Variants in CFDP1 observed in about 807,000 individuals in gnomAD.
The protein encoded by CFDP1 is heterochromatin-stabilizing protein CFDP1.
In CFDP1, 31 loss-of-function variants were observed where a neutral mutation model predicts 40.1. The observed-to-expected ratio is 0.77, with a 90% CI of 0.58 to 1.04. The LOEUF is 1.04. CFDP1 is among the 50% of genes least tolerant of loss of function. The pLI is 0.00. For synonymous variants in CFDP1, 167 were observed against 120.0 expected (o/e 1.39, Z -2.56); for missense variants, 423 against 343.4 (o/e 1.23, Z -1.83).
chr16:75,336,168 TTCTC>T (rs2078486500), intron 5 of CFDP1, among the ~76,000 whole-genome samples: 1 of 152,148 alleles, frequency 6.6e-6, no homozygotes. Flanking sequence ...ACTGAGCACT[TTCTC>T]TCAGCCAGAC....
chr16:75,306,873 G>A (rs576472950), intron 5 of CFDP1, among the ~76,000 whole-genome samples: 4 of 142,032 alleles, frequency 2.8e-5, no homozygotes, highest in South Asian at 2.2e-4. Flanking sequence ...ATATGTGCGC[G>A]TGATCACACA....
intron 5 of CFDP1, among the ~76,000 whole-genome samples, chr16:75,310,276 C>T (rs1190402278): frequency 6.6e-6 from 1 of 152,124 alleles, no homozygotes; most frequent in Admixed American, 6.5e-5. Context: ...GTGAAAGAGA[C>T]ACTTATTTTC....
At chr16:75,301,482 C>T in intron 6 of CFDP1, among the ~76,000 whole-genome samples, 1 of 137,892 alleles carries the variant, frequency 7.3e-6, no homozygotes. Flanking sequence ...GTGTCTGTGT[C>T]TTCATTTCCT....
chr16:75,323,110 T>A (rs922796493), intron 5 of CFDP1, among the ~76,000 whole-genome samples: 16 of 152,182 alleles, frequency 1.1e-4, no homozygotes, highest in Non-Finnish European at 1.5e-5. Context: ...TTTGACTGTT[T>A]TTTAGTAATG....
chr16:75,399,369 C>G (rs1002081971), intron 4 of CFDP1, among the ~76,000 whole-genome samples: 2 of 152,158 alleles, frequency 1.3e-5, no homozygotes, highest in African/African-American at 4.8e-5. Context: ...TGGGGCAGAC[C>G]AGCTAATGAA....
intron 5 of CFDP1, among the ~76,000 whole-genome samples, chr16:75,360,250 G>A (rs4888388): frequency 0.52 from 78,653 of 151,902 alleles, 21,454 homozygotes; most frequent in Admixed American, 0.64. Flanking sequence ...CTAGATGGGA[G>A]ATGACTCCAT....
At chr16:75,326,222 G>A (rs368011063) in intron 5 of CFDP1, among the ~76,000 whole-genome samples, 4 of 152,124 alleles carry the variant, frequency 2.6e-5, no homozygotes, top group African/African-American at 7.2e-5. Flanking sequence ...CTTGACACTG[G>A]CGACACTGCA....
At chr16:75,431,664 G>A (rs1262465681) in intron 1 of CFDP1, among the ~76,000 whole-genome samples, 2 of 151,850 alleles carry the variant, frequency 1.3e-5, no homozygotes, top group Non-Finnish European at 2.9e-5. Flanking sequence ...ACTGAATACT[G>A]ATCTAACTAA....
chr16:75,384,173 A>G (rs2078873632), intron 5 of CFDP1, among the ~76,000 whole-genome samples: 1 of 152,150 alleles, frequency 6.6e-6, no homozygotes. Flanking sequence ...CCTGGCCAAC[A>G]AGGCGAAACC....
At chr16:75,356,794 G>A (rs1321103636) in intron 5 of CFDP1, among the ~76,000 whole-genome samples, 1 of 152,058 alleles carries the variant, frequency 6.6e-6, no homozygotes, top group Non-Finnish European at 1.5e-5. Flanking sequence ...GTTGTTTAGT[G>A]TAGCCACCTT....
chr16:75,321,822 TTG>T (rs2078365661), intron 5 of CFDP1: 2 of 152,172 alleles, frequency 1.3e-5, no homozygotes, highest in East Asian at 1.9e-4. Context: ...CTTTCCTAAT[TTG>T]TTTTCTTTTT....
intron 6 of CFDP1, among the ~76,000 whole-genome samples, chr16:75,299,177 G>T (rs765036714): frequency 1.8e-4 from 27 of 152,180 alleles, no homozygotes; most frequent in Non-Finnish European, 3.2e-4. Context: ...GCAATTCTTT[G>T]CTGGACAAAT....
chr16:75,427,268 C>T (rs777583960), intron 1 of CFDP1, among the ~76,000 whole-genome samples: 29 of 149,852 alleles, frequency 1.9e-4, no homozygotes, highest in Non-Finnish European at 3.4e-4. Context: ...CTTTTTTTTT[C>T]GAGACAGTGT....
At chr16:75,306,903 G>GCA (rs918603156) in intron 5 of CFDP1, among the ~76,000 whole-genome samples, 105 of 87,080 alleles carry the variant, frequency 1.2e-3, no homozygotes, top group Non-Finnish European at 2.0e-3. Flanking sequence ...ACACACACAC[G>GCA]CACACACACA....
At chr16:75,389,075 G>A (rs191855216) in intron 5 of CFDP1, among the ~76,000 whole-genome samples, 24 of 152,282 alleles carry the variant, frequency 1.6e-4, no homozygotes, top group South Asian at 8.3e-4. Context: ...AAGTCAATGC[G>A]TAAGGGTAGG....
intron 6 of CFDP1, among the ~76,000 whole-genome samples, chr16:75,301,537 T>C (rs1213626962): frequency 5.3e-5 from 1 of 18,898 alleles, no homozygotes; most frequent in Non-Finnish European, 1.2e-4. Context: ...TTGTTGTGTC[T>C]TTTTTTTTTT....
chr16:75,318,596 G>T (rs971200253), intron 5 of CFDP1, among the ~76,000 whole-genome samples: 1 of 151,964 alleles, frequency 6.6e-6, no homozygotes, highest in African/African-American at 2.4e-5. Context: ...AGTAGAGACT[G>T]GGTTTCACCG....
intron 5 of CFDP1, among the ~76,000 whole-genome samples, chr16:75,322,324 C>A (rs1324076250): frequency 6.6e-6 from 1 of 152,174 alleles, no homozygotes; most frequent in Non-Finnish European, 1.5e-5. Context: ...AGTGTAGAAA[C>A]CTGTCCCTCC....
chr16:75,395,131 A>G lies in CFDP1; in HGVS notation c.609T>C (p.Ala203=). 6.2e-7 allele frequency: 1 copy of G among 1,614,014 alleles called. No individual in the cohort carries two copies. Among genetic ancestry groups the G allele is most frequent in the Non-Finnish European group, 8.5e-7 (1 of 1,179,924 alleles). ...FKQNEKEKPQ[A]NVPSALPSLP... ...GTGATGGCAGAGCTGAAGGAACATT[A>G]GCCTGTGGTTTTTCTTTCTCATTCT... is the stretch of plus-strand genomic sequence containing the variant. Residue 203 remains alanine, a synonymous_variant, in exon 5 of 7, where the codon GCT becomes GCC. Transcript: ENST00000283882.
Sources: gnomAD v4.1 joint callset for allele counts (sites outside exome capture counted in the v4.1 genomes callset) on GRCh38, gnomAD v4.1.1 for gene constraint, MANE v1.5 for transcripts, NCBI Gene and HGNC (gene_info 2026-07-23, HGNC 2026-07-21) for gene names.